HNRNPUL1: variants seen among roughly 807,000 people sequenced by gnomAD.
The protein encoded by HNRNPUL1 is heterogeneous nuclear ribonucleoprotein U like 1.
In HNRNPUL1, 14 loss-of-function variants were observed where a neutral mutation model predicts 108.5. That is an observed-to-expected ratio of 0.13 (90% CI 0.09 to 0.20). HNRNPUL1 has a LOEUF of 0.20. Ranked by LOEUF, HNRNPUL1 falls within the 10% of genes least tolerant of loss-of-function variation. The pLI is 1.00. For missense variants in HNRNPUL1, 804 were observed against 1,168.3 expected (o/e 0.69, Z 4.55); for synonymous variants, 422 against 445.2 (o/e 0.95, Z 0.66).
At chr19:41,281,070 A>ATTTT in intron 6 of HNRNPUL1, 93 bp from the exon 7 acceptor site, 1 of 821,156 alleles carries the variant, frequency 1.2e-6, no homozygotes, top group Non-Finnish European at 2.1e-6. Context: ...AAAGAAAATG[A>ATTTT]TTTTTTTCTT....
chr19:41,301,939 T>A (rs1383002091), intron 11 of HNRNPUL1, among the ~76,000 whole-genome samples: 2 of 152,142 alleles, frequency 1.3e-5, no homozygotes, highest in Non-Finnish European at 2.9e-5. Context: ...AGGGAAAGGA[T>A]GTATGGGAGC....
intron 1 of HNRNPUL1, among the ~76,000 whole-genome samples, chr19:41,265,601 T>C (rs2034782995): frequency 6.6e-6 from 1 of 152,190 alleles, no homozygotes; most frequent in South Asian, 2.1e-4. Flanking sequence ...GTCCAGAGGC[T>C]GGCGGGGGAG....
Position 41,264,444 on chromosome 19 carries a change from A to AG in HNRNPUL1, c.-55dup. The AG allele has an allele frequency of 7.7e-7, 1 of 1,304,656 alleles. No individual in the cohort carries two copies. The highest frequency in any genetic ancestry group is 2.0e-5 in the South Asian group (1 of 50,320). 80.8% of individuals were successfully genotyped at this position (1,304,656 alleles called of 1,614,324 possible). On this transcript the variant is annotated 5_prime_UTR_variant, in exon 1 of 15. Coordinates refer to ENST00000392006, the MANE Select transcript of HNRNPUL1 (RefSeq NM_007040.6). The stretch of plus-strand genomic sequence containing the variant: ...TTCGCCTCCTGACAGGAAAGGTTTA[A>AG]GGGGGACAGAGCCCTGGGAGGCCGG...
chr19:41,265,414 C>T, intron 1 of HNRNPUL1: 2 of 1,459,784 alleles, frequency 1.4e-6, no homozygotes, highest in South Asian at 1.3e-5. Flanking sequence ...GGACTCAGTG[C>T]TTTGGAGTTT....
chr19:41,264,702 G>A lies in HNRNPUL1; in HGVS notation c.199G>A (p.Glu67Lys), dbSNP rs771411630. The change falls in exon 1 of 15, where the codon GAG becomes AAG. Residue 67 changes from glutamate to lysine, a missense_variant. Around this residue, in one of 4 missense-constraint regions of HNRNPUL1, gnomAD observed 256 missense variants for 261.6 expected, o/e 0.98. Transcript: ENST00000392006. ...GCACATCAACGAGGAGGTCGAGACCGAGGGGGGCTCCGAGCTGGAGGGGAC... is the reference window on the plus strand; with the variant it reads ...GCACATCAACGAGGAGGTCGAGACCAAGGGGGGCTCCGAGCTGGAGGGGAC... ...PGHINEEVETEGGSELEGTAQ... is the reference protein window; with the variant it reads ...PGHINEEVETKGGSELEGTAQ... 4 of 1,543,190 alleles carry A rather than the reference G, an allele frequency of 2.6e-6. No homozygotes were observed. Among genetic ancestry groups the A allele is most frequent in the Non-Finnish European group, 3.5e-6 (4 of 1,148,464 alleles).
intron 5 of HNRNPUL1, among the ~76,000 whole-genome samples, chr19:41,278,091 C>T (rs1008665981): frequency 4.0e-5 from 6 of 151,786 alleles, no homozygotes; most frequent in Non-Finnish European, 8.8e-5. Context: ...GACGGAGTTT[C>T]ACTTGTTACC....
chr19:41,276,290 G>A lies in HNRNPUL1; in HGVS notation c.778G>A (p.Glu260Lys). ...GGTCAGAAGGGGCCGTGTATGCTTC[G>A]AGATGAAGGTGAGTAGGAGCAAGAG... is the stretch of plus-strand genomic sequence containing the variant. ...YGVRRGRVCF[E>K]MKINEEISVK... is the part of the protein sequence containing the mutation. Residue 260 changes from glutamate to lysine, a missense_variant, in exon 5 of 15, where the codon GAG becomes AAG. Physicochemically the swap from Glu to Lys is moderately conservative, Grantham distance 56. Coordinates refer to ENST00000392006, the MANE Select transcript of HNRNPUL1 (RefSeq NM_007040.6). The A allele has an allele frequency of 6.2e-7, 1 of 1,604,034 alleles. No homozygotes were observed.
chr19:41,291,056 A>C (rs1555742680), intron 7 of HNRNPUL1, among the ~76,000 whole-genome samples: 1 of 152,152 alleles, frequency 6.6e-6, no homozygotes, highest in Non-Finnish European at 1.5e-5. Flanking sequence ...CAACAAAAAG[A>C]GGGGGGATCT....
rs372027974 is a variant in HNRNPUL1, at chr19:41,284,925, G to A, written c.999+3650G>A. ...GCAGGAGAATGGCGTGACCCTGGGA[G>A]GCGGAGCTTGCAGTGAGCCACGATT... On this transcript the variant is annotated intron_variant, in intron 7 of 14. Coordinates refer to ENST00000392006, the MANE Select transcript of HNRNPUL1 (RefSeq NM_007040.6). Among the ~76,000 whole-genome samples, 495 of 151,714 alleles carry A rather than the reference G, an allele frequency of 3.3e-3. 1 individual carries two copies. Among genetic ancestry groups the A allele is most frequent in the African/African-American group, 0.012 (479 of 41,288 alleles).
intron 2 of HNRNPUL1, among the ~76,000 whole-genome samples, chr19:41,269,480 GAAAAAAAAA>G (rs35932282): frequency 2.1e-5 from 1 of 48,202 alleles, no homozygotes; most frequent in Non-Finnish European, 3.9e-5. Flanking sequence ...ACCCTGTCAC[GAAAAAAAAA>G]AAAAAAAAAA....
chr19:41,267,787 C>T (rs1210352564), intron 1 of HNRNPUL1, among the ~76,000 whole-genome samples: 1 of 152,234 alleles, frequency 6.6e-6, no homozygotes, highest in Non-Finnish European at 1.5e-5. Context: ...GGTTTGGCTG[C>T]AAGGTTCTTG....
upstream of HNRNPUL1, among the ~76,000 whole-genome samples, chr19:41,263,292 T>C (rs1333901782): frequency 1.3e-5 from 2 of 152,190 alleles, no homozygotes; most frequent in Middle Eastern, 3.2e-3. Flanking sequence ...GGAAGCTCTG[T>C]GGCTTTTGTA....
intron 4 of HNRNPUL1, among the ~76,000 whole-genome samples, chr19:41,275,923 A>G (rs1339832140): frequency 1.3e-5 from 2 of 152,194 alleles, no homozygotes; most frequent in Admixed American, 6.5e-5. Flanking sequence ...GCCAACATGG[A>G]GAAACCCTAT....
At chr19:41,295,826 G>C (rs1290817858) in intron 10 of HNRNPUL1, among the ~76,000 whole-genome samples, 1 of 152,178 alleles carries the variant, frequency 6.6e-6, no homozygotes, top group Admixed American at 6.5e-5. Context: ...GCCAGAGACC[G>C]AGTTGCCTTC....
At chr19:41,281,702 C>T (rs1260096281) in intron 7 of HNRNPUL1, among the ~76,000 whole-genome samples, 2 of 152,142 alleles carry the variant, frequency 1.3e-5, no homozygotes, top group Non-Finnish European at 2.9e-5. Flanking sequence ...ATTGGTTGAG[C>T]CAGGCTTCCT....
At chr19:41,301,795 G>A (rs7248164) in intron 11 of HNRNPUL1, 91 bp downstream of exon 11, 198,553 of 1,172,384 alleles carry the variant, frequency 0.17, 19,117 homozygotes, top group African/African-American at 0.34. Context: ...TGGCTCCCCA[G>A]TGATTTCTTT....
At chr19:41,288,344 C>G (rs977546928) in intron 7 of HNRNPUL1, among the ~76,000 whole-genome samples, 16 of 152,038 alleles carry the variant, frequency 1.1e-4, no homozygotes, top group African/African-American at 3.6e-4. Context: ...CTCCCAGATT[C>G]AAGTGATTCT....
chr19:41,294,778 C>T lies in HNRNPUL1; in HGVS notation c.1518+92C>T, dbSNP rs551498246. ...CCTCTGGTCCCTTTCTTTTTTCCCC[C>T]GTAATGATGATGGACTGCTGTGCTA... is the stretch of plus-strand genomic sequence containing the variant. On this transcript the variant is annotated intron_variant, in intron 10 of 14. Transcript: ENST00000392006. This position sits in a 1 kb window ranked among gnomAD's most constrained non-coding sequence, Gnocchi z 4.3. 1.9e-4 allele frequency: 287 copies of T among 1,480,908 alleles called. No individual in the cohort carries two copies. In the East Asian group the frequency reaches 5.8e-3, roughly 30 times the overall value. The allele number at this position is 1,480,908 out of a possible 1,614,324, so 91.7% of individuals were successfully genotyped here.
chr19:41,278,074 T>G (rs899080763), intron 5 of HNRNPUL1, among the ~76,000 whole-genome samples: 6 of 152,094 alleles, frequency 3.9e-5, no homozygotes, highest in Non-Finnish European at 5.9e-5. Flanking sequence ...GTTTGTTTTG[T>G]TTTGTTGACG....
Sources: gnomAD v4.1 joint callset for allele counts (sites outside exome capture counted in the v4.1 genomes callset) on GRCh38, gnomAD v4.1.1 for gene constraint, gnomAD v4.1.1 regional missense constraint, Gnocchi (gnomAD v3.1) non-coding constraint, MANE v1.5 for transcripts, NCBI Gene and HGNC (gene_info 2026-07-23, HGNC 2026-07-21) for gene names.